Variants in NFILZ observed in about 807,000 individuals in gnomAD.
NFILZ encodes the protein NFIL3 like basic leucine zipper.
chr19:8,669,361 G>A (rs1487442119), intron 3 of NFILZ, among the ~76,000 whole-genome samples: 1 of 152,152 alleles, frequency 6.6e-6, no homozygotes, highest in Non-Finnish European at 1.5e-5. Flanking sequence ...CAATGAGGTA[G>A]GTACTGCTAT....
chr19:8,659,112 T>C (rs1352612587), intron 3 of NFILZ, among the ~76,000 whole-genome samples: 1 of 151,164 alleles, frequency 6.6e-6, no homozygotes, highest in African/African-American at 2.4e-5. Flanking sequence ...CCAGGTGTAG[T>C]GGTGTGTGCC....
At chr19:8,671,351 G>A (rs1462291397) in intron 3 of NFILZ, among the ~76,000 whole-genome samples, 4 of 151,952 alleles carry the variant, frequency 2.6e-5, no homozygotes, top group Admixed American at 2.6e-4. Context: ...ATAAACTCGG[G>A]CAGCAGAACT....
At chr19:8,649,391 G>A (rs1028404443) in intron 3 of NFILZ, among the ~76,000 whole-genome samples, 38 of 152,112 alleles carry the variant, frequency 2.5e-4, no homozygotes, top group African/African-American at 7.9e-4. Context: ...TCAGCCTCCT[G>A]AGTAGCTGGG....
chr19:8,663,748 G>GCA (rs2043046571), intron 3 of NFILZ, among the ~76,000 whole-genome samples: 6 of 139,376 alleles, frequency 4.3e-5, no homozygotes, highest in Non-Finnish European at 7.7e-5. Context: ...GTGTGTGTGT[G>GCA]TGTGTGTGTG....
At chr19:8,666,656 T>C (rs1555749841) in intron 3 of NFILZ, among the ~76,000 whole-genome samples, 3 of 152,134 alleles carry the variant, frequency 2.0e-5, no homozygotes, top group Non-Finnish European at 4.4e-5. Context: ...CTCAATAAAT[T>C]ACTCTTATGA....
intron 3 of NFILZ, among the ~76,000 whole-genome samples, chr19:8,668,285 A>ACTG (rs368232136): frequency 0.23 from 34,546 of 151,390 alleles, 4,197 homozygotes; most frequent in East Asian, 0.52. Flanking sequence ...CATTATTTTT[A>ACTG]TTGTTGTCTT....
intron 3 of NFILZ, among the ~76,000 whole-genome samples, chr19:8,657,291 G>C (rs541788596): frequency 6.6e-6 from 1 of 151,588 alleles, no homozygotes; most frequent in African/African-American, 2.4e-5. Context: ...TTTGTAGAGA[G>C]GGGGGTTTCA....
intron 3 of NFILZ, among the ~76,000 whole-genome samples, chr19:8,640,968 C>A (rs1448183133): frequency 6.6e-6 from 1 of 152,214 alleles, no homozygotes; most frequent in Admixed American, 6.5e-5. Context: ...ACCTTGACTG[C>A]AGTTCAATGC....
chr19:8,667,945 T>C (rs1174207587), intron 3 of NFILZ, among the ~76,000 whole-genome samples: 1 of 152,082 alleles, frequency 6.6e-6, no homozygotes, highest in African/African-American at 2.4e-5. Context: ...TTTTTTATTT[T>C]ATTTTTATTT....
chr19:8,654,112 G>C (rs1387550731), intron 3 of NFILZ, among the ~76,000 whole-genome samples: 2 of 152,008 alleles, frequency 1.3e-5, no homozygotes, highest in Non-Finnish European at 2.9e-5. Flanking sequence ...GGTGCCTGTA[G>C]TCCCAGCTAA....
At chr19:8,665,683 C>T (rs1207996632) in intron 3 of NFILZ, among the ~76,000 whole-genome samples, 3 of 152,166 alleles carry the variant, frequency 2.0e-5, no homozygotes, top group Non-Finnish European at 4.4e-5. Context: ...GCAAGGTATA[C>T]CTTCTAGGTA....
At chr19:8,665,078 G>A (rs887523578) in intron 3 of NFILZ, among the ~76,000 whole-genome samples, 4 of 151,990 alleles carry the variant, frequency 2.6e-5, no homozygotes, top group Non-Finnish European at 4.4e-5. Context: ...ATATTTATTC[G>A]ACTGTCTATT....
At chr19:8,643,984 T>C (rs2146141371) in intron 3 of NFILZ, among the ~76,000 whole-genome samples, 2 of 152,248 alleles carry the variant, frequency 1.3e-5, no homozygotes, top group Middle Eastern at 6.8e-3. Context: ...CTCTCAGCCA[T>C]TTGCATTCCC....
At chr19:8,656,182 C>T (rs1476718326) in intron 3 of NFILZ, among the ~76,000 whole-genome samples, 1 of 147,538 alleles carries the variant, frequency 6.8e-6, no homozygotes, top group African/African-American at 2.5e-5. Context: ...CCCTACAGCC[C>T]ACCTTGTGCA....
rs551657565 is a variant in NFILZ, at chr19:8,677,796, C to A, written c.*161C>A. Among the ~76,000 whole-genome samples, 6 of 152,188 alleles carry A rather than the reference C, an allele frequency of 3.9e-5. No homozygotes were observed. In the East Asian group the frequency reaches 1.2e-3, roughly 29 times the overall value. On this transcript the variant is annotated 3_prime_UTR_variant, in exon 6 of 6. Coordinates refer to ENST00000691075, the MANE Select transcript of NFILZ (RefSeq NM_001378600.1). ...AAGGTCCACTTCACAGCTTCCATAC[C>A]AGACCTCCTAGGGGTGGAGTGGATG...
chr19:8,647,480 G>A (rs1171843808), intron 3 of NFILZ, among the ~76,000 whole-genome samples: 1 of 152,034 alleles, frequency 6.6e-6, no homozygotes, highest in African/African-American at 2.4e-5. Flanking sequence ...ACTGAGGCAG[G>A]AGAATCACTT....
At chr19:8,674,471 A>C (rs2043102169) in intron 3 of NFILZ, among the ~76,000 whole-genome samples, 80 bp from the exon 4 acceptor site, 2 of 151,890 alleles carry the variant, frequency 1.3e-5, no homozygotes, top group Admixed American at 6.6e-5. Flanking sequence ...TGTTTTGTGA[A>C]GTATAGTAAG....
intron 3 of NFILZ, among the ~76,000 whole-genome samples, chr19:8,655,268 G>T (rs1555748209): frequency 6.6e-6 from 1 of 152,174 alleles, no homozygotes; most frequent in East Asian, 1.9e-4. Flanking sequence ...CCTTCCCTTT[G>T]CCCCTGGATC....
chr19:8,678,075 T>C lies in NFILZ; in HGVS notation c.*440T>C, dbSNP rs2043122016. Among the ~76,000 whole-genome samples the C allele has an allele frequency of 1.5e-5, 1 of 66,476 alleles. No individual in the cohort carries two copies. Among genetic ancestry groups the C allele is most frequent in the Non-Finnish European group, 3.2e-5 (1 of 31,490 alleles). The allele number at this position is 66,476 out of a possible 152,430, so 43.6% of individuals were successfully genotyped here. A position where few individuals can be genotyped will look rare whatever the true frequency, so the allele number is the denominator to read the frequency against. On this transcript the variant is annotated 3_prime_UTR_variant, in exon 6 of 6. Coordinates refer to ENST00000691075, the MANE Select transcript of NFILZ (RefSeq NM_001378600.1). Reference sequence around the variant, plus strand: ...ATCCACCCATCTATTCATCCATCCATCAATCCATCCATCCATTCCATCCAT... The same window carrying C: ...ATCCACCCATCTATTCATCCATCCACCAATCCATCCATCCATTCCATCCAT...
Sources: gnomAD v4.1 joint callset for allele counts (sites outside exome capture counted in the v4.1 genomes callset) on GRCh38, gnomAD v4.1.1 for gene constraint, MANE v1.5 for transcripts, NCBI Gene and HGNC (gene_info 2026-07-23, HGNC 2026-07-21) for gene names.